SPPL3: variants seen among roughly 807,000 people sequenced by gnomAD.
SPPL3 encodes signal peptide peptidase-like 3.
A neutral mutation model predicts 42.4 loss-of-function variants in SPPL3; 5 were observed. The observed-to-expected ratio is 0.12, with a 90% CI of 0.06 to 0.25. SPPL3 has a LOEUF of 0.25. SPPL3 is among the 10% of genes least tolerant of loss of function. The probability of loss-of-function intolerance (pLI) is 1.00; values close to 1 mark genes in which losing one functional copy is unlikely to be tolerated. For synonymous variants in SPPL3, 195 were observed against 181.8 expected, an observed-to-expected ratio of 1.07 and a Z score of -0.58; for missense variants, 235 against 489.0, an observed-to-expected ratio of 0.48 and a Z score of 4.90.
At chr12:120,815,098 C>T (rs1234293829) in intron 1 of SPPL3, among the ~76,000 whole-genome samples, 1 of 152,156 alleles carries the variant, frequency 6.6e-6, no homozygotes, top group East Asian at 1.9e-4. Flanking sequence ...TAAATTATAC[C>T]TGCATTGCAC....
intron 1 of SPPL3, among the ~76,000 whole-genome samples, chr12:120,867,825 G>A (rs910202872): frequency 1.8e-4 from 28 of 151,524 alleles, no homozygotes; most frequent in African/African-American, 6.3e-4. Flanking sequence ...TCGGCTCACC[G>A]CAACCTCCAC....
In SPPL3 at chr12:120,904,073, CG is replaced by C. The variant is rs1874078233; in HGVS notation, c.-207del. On this transcript the variant is annotated 5_prime_UTR_variant, in exon 1 of 11. Coordinates refer to ENST00000353487, the MANE Select transcript of SPPL3 (RefSeq NM_139015.5). ...CGGCCCCGCTCCCTGGGCCCCGGGG[CG>C]GGGCGGGCTCCGCTCTCGGCCTCCC... 3.0e-6 allele frequency: 1 copy of C among 334,076 alleles called. No individual in the cohort carries two copies. Among genetic ancestry groups the C allele is most frequent in the Non-Finnish European group, 5.3e-6 (1 of 188,276 alleles). The allele number at this position is 334,076 out of a possible 1,614,324, so 20.7% of individuals were successfully genotyped here.
Position 120,765,059 on chromosome 12 carries a change from C to T in SPPL3, c.1095G>A (p.Arg365=). 2 of 1,613,618 alleles carry T rather than the reference C, an allele frequency of 1.2e-6. No individual in the cohort carries two copies. The highest frequency in any genetic ancestry group is 1.7e-6 in the Non-Finnish European group (2 of 1,179,812). ...AGTGGAAAGGCTCAGACCACATCCG[C>T]CGGAGGTCGCCCTGGGAAACAAGGG... ...LTMAYLKGDL[R]RMWSEPFHSK... is the part of the protein sequence containing the mutation. Residue 365 remains arginine, a synonymous_variant, in exon 11 of 11, where the codon CGG becomes CGA. Coordinates refer to ENST00000353487, the MANE Select transcript of SPPL3 (RefSeq NM_139015.5).
At chr12:120,862,795 C>G (rs1343140709) in intron 1 of SPPL3, among the ~76,000 whole-genome samples, 1 of 152,114 alleles carries the variant, frequency 6.6e-6, no homozygotes, top group Admixed American at 6.6e-5. Flanking sequence ...AATCTCCAAC[C>G]CCTCTCCCCT....
At chr12:120,825,015 C>T (rs1440065572) in intron 1 of SPPL3, among the ~76,000 whole-genome samples, 1 of 151,944 alleles carries the variant, frequency 6.6e-6, no homozygotes, top group Non-Finnish European at 1.5e-5. Context: ...CACCCCCAGT[C>T]CCTTTCTCAT....
intron 2 of SPPL3, among the ~76,000 whole-genome samples, chr12:120,802,409 G>GTATATATA (rs1363690046): frequency 1.8e-5 from 2 of 111,692 alleles, no homozygotes; most frequent in East Asian, 2.4e-4. Flanking sequence ...GTGTGTGTGT[G>GTATATATA]TGTGTGTATA....
Position 120,766,351 on chromosome 12 carries a change from G to A in SPPL3, c.995C>T (p.Ala332Val), listed in dbSNP as rs759334941. 5.0e-6 allele frequency: 8 copies of A among 1,593,792 alleles called. No homozygotes were observed. Among genetic ancestry groups the A allele is most frequent in the Middle Eastern group, 1.7e-4 (1 of 6,036 alleles). ...CTGGGCGGCCCGGTGAATGCGAGAC[G>A]CCACAGTAGCAGTGAGCAGGCCTGT... ...YFVGLLTATVASRIHRAAQPA... is the reference protein window; with the variant it reads ...YFVGLLTATVVSRIHRAAQPA... Residue 332 changes from alanine (A) to valine (V), a missense_variant, in exon 10 of 11, where the codon GCG becomes GTG. Ala to Val is a moderately conservative substitution (Grantham distance 64, BLOSUM62 0). Around this residue, in one of 6 missense-constraint regions of SPPL3, gnomAD observed 38 missense variants for 105.2 expected, o/e 0.36. Transcript: ENST00000353487.
intron 2 of SPPL3, among the ~76,000 whole-genome samples, chr12:120,793,444 C>A (rs1869989554): frequency 6.6e-6 from 1 of 152,204 alleles, no homozygotes; most frequent in Non-Finnish European, 1.5e-5. Flanking sequence ...GATGGCACCA[C>A]TGCACTCCAG....
chr12:120,861,960 C>T (rs1872628556), intron 1 of SPPL3, among the ~76,000 whole-genome samples: 1 of 152,104 alleles, frequency 6.6e-6, no homozygotes, highest in Admixed American at 6.5e-5. Context: ...GAGCAACATA[C>T]TTGAAGGTAT....
At chr12:120,815,929 C>T (rs1007422181) in intron 1 of SPPL3, among the ~76,000 whole-genome samples, 7 of 152,034 alleles carry the variant, frequency 4.6e-5, no homozygotes, top group African/African-American at 9.7e-5. Context: ...AGGGTTTTGT[C>T]ACGTTGCCCA....
At chr12:120,791,095 C>T (rs1869899079) in intron 3 of SPPL3, among the ~76,000 whole-genome samples, 1 of 151,794 alleles carries the variant, frequency 6.6e-6, no homozygotes, top group East Asian at 1.9e-4. Context: ...GCTGGAATTA[C>T]AGGTGGGAGA....
At chr12:120,899,020 A>G (rs1873891727) in intron 1 of SPPL3, among the ~76,000 whole-genome samples, 1 of 152,194 alleles carries the variant, frequency 6.6e-6, no homozygotes, top group African/African-American at 2.4e-5. Flanking sequence ...CAGAACTTAC[A>G]CTAAAACTGC....
chr12:120,876,769 T>C (rs1219389147), intron 1 of SPPL3, among the ~76,000 whole-genome samples: 2 of 150,708 alleles, frequency 1.3e-5, no homozygotes, highest in African/African-American at 4.9e-5. Context: ...AAAGAAAGTT[T>C]TCAAATTAAT....
chr12:120,829,522 G>C (rs1027406135), intron 1 of SPPL3, among the ~76,000 whole-genome samples: 2 of 152,138 alleles, frequency 1.3e-5, no homozygotes, highest in African/African-American at 4.8e-5. Context: ...CTTGGACCTA[G>C]GGGGCAGGGG....
intron 1 of SPPL3, among the ~76,000 whole-genome samples, chr12:120,813,413 GTTCAAGCAATT>G (rs1440949137): frequency 9.9e-5 from 15 of 151,232 alleles, no homozygotes; most frequent in Non-Finnish European, 4.4e-5. Flanking sequence ...CACCTCCTAG[GTTCAAGCAATT>G]TTCCTGCTTC....
intron 2 of SPPL3, among the ~76,000 whole-genome samples, chr12:120,800,129 A>G (rs1215248692): frequency 6.6e-6 from 1 of 152,236 alleles, no homozygotes; most frequent in Non-Finnish European, 1.5e-5. Context: ...ATACAGTAAC[A>G]TAATATGATG....
At chr12:120,852,768 AT>A (rs1409645158) in intron 1 of SPPL3, among the ~76,000 whole-genome samples, 5,055 of 43,858 alleles carry the variant, frequency 0.12, 705 homozygotes, top group East Asian at 0.22. Flanking sequence ...ATCTATGTAT[AT>A]TATATATAAA....
intron 1 of SPPL3, among the ~76,000 whole-genome samples, chr12:120,864,301 G>A (rs35600816): frequency 0.4 from 60,131 of 151,970 alleles, 14,022 homozygotes; most frequent in Middle Eastern, 0.56. Flanking sequence ...TTGGGAGGCC[G>A]AGCTAGGTGG....
At chr12:120,862,733 T>C (rs928033626) in intron 1 of SPPL3, among the ~76,000 whole-genome samples, 7 of 152,116 alleles carry the variant, frequency 4.6e-5, no homozygotes, top group African/African-American at 1.4e-4. Flanking sequence ...TTTTGGAGGT[T>C]CCATTACACA....
Sources: allele counts gnomAD v4.1 joint callset (sites outside exome capture counted in the v4.1 genomes callset), GRCh38; gene constraint gnomAD v4.1.1; regional missense constraint gnomAD v4.1.1; transcripts MANE v1.5; gene names NCBI Gene and HGNC (gene_info 2026-07-23, HGNC 2026-07-21).